RYR2: variants seen among roughly 807,000 people sequenced by gnomAD.
The protein encoded by RYR2 is cardiac muscle ryanodine receptor-calcium release channel.
RYR2 carries 227 observed loss-of-function variants against 601.1 expected under a neutral mutation model. That is an observed-to-expected ratio of 0.38 (90% CI 0.34 to 0.42). The LOEUF (loss-of-function observed/expected upper bound fraction) is 0.42, where lower values mean the gene tolerates loss of function less well. Among genes scored for constraint, RYR2 ranks in the 10% least tolerant of loss-of-function variants. RYR2 has a pLI of 1.00. For missense variants in RYR2, 4,646 were observed against 6,156.5 expected (o/e 0.75, Z 8.21); for synonymous variants, 2,223 against 2,175.1 (o/e 1.02, Z -0.61).
chr1:237,559,918 C>T (rs940507542), intron 27 of RYR2, among the ~76,000 whole-genome samples: 1 of 152,198 alleles, frequency 6.6e-6, no homozygotes, highest in African/African-American at 2.4e-5. Flanking sequence ...TCATTAGCTT[C>T]ATGGTCAGCT....
intron 1 of RYR2, among the ~76,000 whole-genome samples, chr1:237,045,191 T>G (rs572921542): frequency 6.6e-6 from 1 of 152,328 alleles, no homozygotes; most frequent in South Asian, 2.1e-4. Flanking sequence ...GGATTTGTAT[T>G]CAGCACCCCA....
At chr1:237,416,915 C>A in intron 10 of RYR2, 134 bp from the exon 11 acceptor site, 2 of 724,692 alleles carry the variant, frequency 2.8e-6, no homozygotes, top group Non-Finnish European at 2.4e-6. Context: ...CTGTCTCCTG[C>A]CAAAAAAGTA....
intron 62 of RYR2, among the ~76,000 whole-genome samples, chr1:237,682,731 T>A (rs561213109): frequency 6.6e-6 from 1 of 152,320 alleles, no homozygotes; most frequent in East Asian, 1.9e-4. Context: ...CATCTTCAGT[T>A]TTTCTTCTAC....
intron 42 of RYR2, among the ~76,000 whole-genome samples, chr1:237,632,856 C>A (rs1291120700): frequency 1.3e-5 from 2 of 152,108 alleles, no homozygotes; most frequent in South Asian, 2.1e-4. Context: ...TTTCACAATA[C>A]TGAAATAAGC....
chr1:237,711,400 G>A (rs148904897), intron 70 of RYR2, among the ~76,000 whole-genome samples: 1,537 of 152,212 alleles, frequency 0.01, 16 homozygotes, highest in Middle Eastern at 0.02. Flanking sequence ...TGTGTCCTCG[G>A]AAAGTCTATG....
At chr1:237,538,394 CAAAAAAAAAAA>C (rs10551995) in intron 25 of RYR2, among the ~76,000 whole-genome samples, 41 of 32,890 alleles carry the variant, frequency 1.2e-3, no homozygotes, top group African/African-American at 2.3e-3. Context: ...GACTCTGTCT[CAAAAAAAAAAA>C]AAAAAAAAAA....
intron 2 of RYR2, among the ~76,000 whole-genome samples, chr1:237,320,974 T>TA (rs1695572951): frequency 6.6e-6 from 1 of 151,512 alleles, no homozygotes; most frequent in Admixed American, 6.6e-5. Context: ...GGTTTTTTTT[T>TA]TTTTAAATCA....
At chr1:237,537,375 G>T (rs1668753414) in intron 25 of RYR2, among the ~76,000 whole-genome samples, 1 of 152,154 alleles carries the variant, frequency 6.6e-6, no homozygotes, top group Non-Finnish European at 1.5e-5. Context: ...CCAGGCTGGA[G>T]TGCAGTAGCA....
At chr1:237,510,366 T>C (rs1253838335) in intron 23 of RYR2, among the ~76,000 whole-genome samples, 2 of 152,178 alleles carry the variant, frequency 1.3e-5, no homozygotes, top group African/African-American at 4.8e-5. Flanking sequence ...AGAGACAAAG[T>C]GGAGATGACC....
At chr1:237,211,696 C>T (rs985525075) in intron 1 of RYR2, among the ~76,000 whole-genome samples, 2 of 152,164 alleles carry the variant, frequency 1.3e-5, no homozygotes, top group Admixed American at 6.5e-5. Flanking sequence ...ATGATTGCCC[C>T]AGTTTAAAGA....
intron 1 of RYR2, among the ~76,000 whole-genome samples, chr1:237,269,098 A>C (rs1689420919): frequency 1.5e-5 from 2 of 131,616 alleles, no homozygotes. Flanking sequence ...GCTGGAGCGC[A>C]ATGGCACGAT....
At chr1:237,757,119 G>T (rs1693023404) in intron 81 of RYR2, among the ~76,000 whole-genome samples, 3 of 152,202 alleles carry the variant, frequency 2.0e-5, no homozygotes, top group South Asian at 4.1e-4. Flanking sequence ...TTGAATAGAA[G>T]ATTATTTATA....
intron 58 of RYR2, among the ~76,000 whole-genome samples, chr1:237,672,205 G>C (rs1473461905): frequency 6.6e-6 from 1 of 152,216 alleles, no homozygotes; most frequent in Non-Finnish European, 1.5e-5. Flanking sequence ...CGAAGAGGGT[G>C]AGAAGAGTTT....
chr1:237,358,414 C>T (rs951915023), intron 4 of RYR2, among the ~76,000 whole-genome samples: 1 of 151,756 alleles, frequency 6.6e-6, no homozygotes, highest in African/African-American at 2.4e-5. Flanking sequence ...GGGAAGGAGA[C>T]AGAAGAGAAA....
At chr1:237,408,439 G>A (rs1704126963) in intron 10 of RYR2, among the ~76,000 whole-genome samples, 2 of 126,508 alleles carry the variant, frequency 1.6e-5, no homozygotes, top group Non-Finnish European at 3.3e-5. Flanking sequence ...TACTATTTGG[G>A]GAGAATGTCC....
At chr1:237,816,017 G>A (rs930768635) in intron 100 of RYR2, among the ~76,000 whole-genome samples, 1 of 152,154 alleles carries the variant, frequency 6.6e-6, no homozygotes, top group Non-Finnish European at 1.5e-5. Flanking sequence ...TCCATCAGTT[G>A]CTGGGCAATC....
chr1:237,618,229 G>A (rs968753106), intron 38 of RYR2, among the ~76,000 whole-genome samples: 7 of 152,186 alleles, frequency 4.6e-5, no homozygotes, highest in Admixed American at 2.6e-4. Flanking sequence ...TGAGGAAAGG[G>A]ATGTGGAATT....
rs7538500 is a variant in RYR2 at position 237,084,275 on chromosome 1, C to T, written c.48+41706C>T. On this transcript the variant is annotated intron_variant, in intron 1 of 104. Transcript: ENST00000366574. ...TCCATCTGTGTCAAGCTGGCTTCTC[C>T]ACTTTCATCCATGCATCTTTCATTT... 3.6e-3 allele frequency among the ~76,000 whole-genome samples: 542 copies of T among 152,316 alleles called. 2 individuals carry two copies. The highest frequency in any genetic ancestry group is 0.012 in the African/African-American group (519 of 41,572).
chr1:237,607,373 A>C (rs2779347), intron 35 of RYR2, among the ~76,000 whole-genome samples: 83,931 of 149,754 alleles, frequency 0.56, 27,184 homozygotes, highest in Non-Finnish European at 0.71. Flanking sequence ...GAATTGAACA[A>C]TGAAAACACT....
Sources: gnomAD v4.1 joint callset for allele counts (sites outside exome capture counted in the v4.1 genomes callset) on GRCh38, gnomAD v4.1.1 for gene constraint, MANE v1.5 for transcripts, NCBI Gene and HGNC (gene_info 2026-07-23, HGNC 2026-07-21) for gene names.